Variants in SMYD3 observed in about 807,000 individuals in gnomAD.
SMYD3 encodes the protein histone-lysine N-methyltransferase SMYD3.
Under a neutral mutation model 57.7 loss-of-function variants are expected in SMYD3, and 36 were observed. The ratio of observed to expected loss-of-function variants is 0.62; its 90% CI spans 0.48 to 0.82. The LOEUF (loss-of-function observed/expected upper bound fraction) is 0.82, where lower values mean the gene tolerates loss of function less well. SMYD3 is among the 40% of genes least tolerant of loss of function. The probability of loss-of-function intolerance (pLI) is 0.00; values close to 1 mark genes in which losing one functional copy is unlikely to be tolerated. For synonymous variants in SMYD3, 211 were observed against 195.0 expected (o/e 1.08, Z -0.68); for missense variants, 515 against 538.8 (o/e 0.96, Z 0.44).
chr1:246,403,272 C>T (rs374760007), intron 1 of SMYD3, among the ~76,000 whole-genome samples: 5 of 151,878 alleles, frequency 3.3e-5, no homozygotes, highest in African/African-American at 1.2e-4. Context: ...GGTAGGAGGA[C>T]TGCTTTAGGC....
chr1:245,907,357 C>T (rs1197473909), intron 8 of SMYD3, among the ~76,000 whole-genome samples: 3 of 152,074 alleles, frequency 2.0e-5, no homozygotes, highest in Non-Finnish European at 4.4e-5. Context: ...TATGTACCCA[C>T]AAATTTTTTA....
intron 10 of SMYD3, among the ~76,000 whole-genome samples, chr1:245,842,142 G>A (rs2050434699): frequency 6.6e-6 from 1 of 152,132 alleles, no homozygotes; most frequent in South Asian, 2.1e-4. Flanking sequence ...ACGATTGCGT[G>A]ACAACAAAAT....
intron 5 of SMYD3, among the ~76,000 whole-genome samples, chr1:246,020,297 A>C (rs1473479563): frequency 1.3e-5 from 2 of 152,234 alleles, no homozygotes; most frequent in Non-Finnish European, 2.9e-5. Flanking sequence ...CAGTGTTCTC[A>C]AGACCTGTGA....
intron 10 of SMYD3, among the ~76,000 whole-genome samples, chr1:245,837,690 G>A (rs750982507): frequency 1.3e-5 from 2 of 152,104 alleles, no homozygotes; most frequent in African/African-American, 4.8e-5. Flanking sequence ...TTTAGGTGCC[G>A]GGAGGTCTTT....
At chr1:245,881,013 G>A (rs1002399126) in intron 8 of SMYD3, among the ~76,000 whole-genome samples, 9 of 152,234 alleles carry the variant, frequency 5.9e-5, no homozygotes, top group East Asian at 1.9e-4. Context: ...CTGGGTAGGC[G>A]GGCCTCTAAG....
At chr1:245,877,915 T>C (rs2052573670) in intron 8 of SMYD3, among the ~76,000 whole-genome samples, 1 of 152,076 alleles carries the variant, frequency 6.6e-6, no homozygotes. Context: ...AATCTGAAGA[T>C]ATGCGACAGA....
intron 1 of SMYD3, among the ~76,000 whole-genome samples, chr1:246,438,658 T>C (rs984616258): frequency 6.6e-6 from 1 of 152,142 alleles, no homozygotes; most frequent in East Asian, 1.9e-4. Context: ...AGAATACGTA[T>C]AACAGTGGTC....
At chr1:245,998,708 C>G (rs1314679241) in intron 5 of SMYD3, among the ~76,000 whole-genome samples, 1 of 152,092 alleles carries the variant, frequency 6.6e-6, no homozygotes, top group Non-Finnish European at 1.5e-5. Context: ...ACTTGCCCAC[C>G]AATGTTCATC....
intron 10 of SMYD3, among the ~76,000 whole-genome samples, chr1:245,799,560 C>G (rs753846559): frequency 7.2e-6 from 1 of 138,110 alleles, no homozygotes; most frequent in Non-Finnish European, 1.6e-5. Flanking sequence ...GCAAGCTAGG[C>G]AATGTGTGAG....
chr1:246,068,969 C>T (rs772409969), intron 5 of SMYD3, among the ~76,000 whole-genome samples: 5 of 152,072 alleles, frequency 3.3e-5, no homozygotes, highest in Non-Finnish European at 7.4e-5. Context: ...CATCAAAAAC[C>T]AACATGGGAA....
chr1:246,334,466 A>G (rs2065509780), intron 3 of SMYD3, among the ~76,000 whole-genome samples: 1 of 152,146 alleles, frequency 6.6e-6, no homozygotes, highest in South Asian at 2.1e-4. Flanking sequence ...AAAACAGAAA[A>G]CCAAATACCA....
rs796240166 is a variant in SMYD3, at chr1:246,392,783, C to CA, written c.165-37690dup. On this transcript the variant is annotated intron_variant, in intron 1 of 11. Transcript: ENST00000490107. ...CTAGTTTTTAGAGATGGTTCAACAG[C>CA]AAAAAAAAAAGAAAAAGAAAAAGAA... 2.2e-3 allele frequency among the ~76,000 whole-genome samples: 177 copies of CA among 79,330 alleles called. 2 individuals carry two copies. Among genetic ancestry groups the CA allele is most frequent in the African/African-American group, 6.2e-3 (126 of 20,348 alleles). The allele number at this position is 79,330 out of a possible 152,430, so 52.0% of individuals were successfully genotyped here.
intron 5 of SMYD3, among the ~76,000 whole-genome samples, chr1:246,274,394 A>T (rs2064288170): frequency 6.6e-6 from 1 of 152,230 alleles, no homozygotes; most frequent in Admixed American, 6.5e-5. Flanking sequence ...GAACACAGTC[A>T]TATAATAAAA....
chr1:246,052,223 A>G (rs1015667658), intron 5 of SMYD3, among the ~76,000 whole-genome samples: 1 of 152,238 alleles, frequency 6.6e-6, no homozygotes, highest in Admixed American at 6.5e-5. Context: ...GTTCCAGACA[A>G]CTTTTAACAA....
intron 10 of SMYD3, among the ~76,000 whole-genome samples, chr1:245,810,238 G>T (rs1486687348): frequency 6.6e-6 from 1 of 152,138 alleles, no homozygotes; most frequent in African/African-American, 2.4e-5. Context: ...CAACAGGCTG[G>T]GAGAGGCTGT....
intron 5 of SMYD3, among the ~76,000 whole-genome samples, chr1:246,018,617 T>G (rs1212667617): frequency 6.6e-6 from 1 of 152,212 alleles, no homozygotes; most frequent in African/African-American, 2.4e-5. Context: ...TTTTTTTCTT[T>G]GTTTACAGAT....
At chr1:245,941,016 T>C (rs1266754036) in intron 5 of SMYD3, among the ~76,000 whole-genome samples, 1 of 152,108 alleles carries the variant, frequency 6.6e-6, no homozygotes, top group Non-Finnish European at 1.5e-5. Context: ...AACTTCACAA[T>C]GCAGCCACAT....
chr1:246,435,763 C>A (rs775878468), intron 1 of SMYD3, among the ~76,000 whole-genome samples: 1 of 151,758 alleles, frequency 6.6e-6, no homozygotes, highest in African/African-American at 2.4e-5. Context: ...TACAAGAATT[C>A]CAAGAATTCC....
In SMYD3 at chr1:246,217,209, T is replaced by C. The variant is rs114629356; in HGVS notation, c.531+109992A>G. On this transcript the variant is annotated intron_variant, in intron 5 of 11. Transcript: ENST00000490107. ...GCAGGATCCAAGGTTGTTAATGCCT[T>C]AGTTATCCATCAAAACAAAAGGCAA... Among the ~76,000 whole-genome samples the C allele has an allele frequency of 4.0e-3, 602 of 152,284 alleles. 5 individuals are homozygous for C. The highest frequency in any genetic ancestry group is 0.014 in the Middle Eastern group (4 of 294).
Sources: gnomAD v4.1 joint callset for allele counts (sites outside exome capture counted in the v4.1 genomes callset) on GRCh38, gnomAD v4.1.1 for gene constraint, MANE v1.5 for transcripts, NCBI Gene and HGNC (gene_info 2026-07-23, HGNC 2026-07-21) for gene names.